The following CRISP2 variants were observed in gnomAD, a reference collection of about 807,000 sequenced individuals.
CRISP2 encodes the protein cysteine-rich secretory protein 2.
CRISP2 carries 29 observed loss-of-function variants against 31.7 expected under a neutral mutation model. The observed-to-expected ratio is 0.92, with a 90% confidence interval of 0.68 to 1.25. CRISP2 has a LOEUF of 1.25. Ranked by LOEUF, CRISP2 falls within the 50% of genes most tolerant of loss-of-function variation. The pLI, the probability that CRISP2 is intolerant of heterozygous loss-of-function variation, is 0.00. For synonymous variants in CRISP2, 111 were observed against 101.4 expected, an observed-to-expected ratio of 1.09 and a Z score of -0.57; for missense variants, 318 against 286.5, an observed-to-expected ratio of 1.11 and a Z score of -0.79.
In CRISP2 at chr6:49,709,136, C is replaced by T. The variant is rs1249919329; in HGVS notation, c.61G>A (p.Gly21Arg). The change falls in exon 4 of 10, where the codon GGA (glycine) becomes AGA (arginine). Residue 21 changes from glycine to arginine, a missense_variant. Gly to Arg is a moderately radical substitution (Grantham distance 125, BLOSUM62 -2). Coordinates refer to ENST00000339139, the MANE Select transcript of CRISP2 (RefSeq NM_003296.4). The stretch of plus-strand genomic sequence containing the variant: ...ATTTTCCATTTTAACCTTACCTTTC[C>T]TTCTGCAGGTAAAGATGGAAGCAGC... ...TVLLPSLPAE[G>R]KDPAFTALLT... The T allele has an allele frequency of 1.2e-6, 2 of 1,613,428 alleles. No individual in the cohort carries two copies. Among genetic ancestry groups the T allele is most frequent in the African/African-American group, 1.3e-5 (1 of 74,888 alleles).
intron 9 of CRISP2, among the ~76,000 whole-genome samples, chr6:49,694,900 A>C (rs1764502260): frequency 6.6e-6 from 1 of 151,928 alleles, no homozygotes; most frequent in Non-Finnish European, 1.5e-5. Flanking sequence ...CACCTGGCTC[A>C]TTTTTGTATT....
chr6:49,691,094 A>T (rs1416228242), downstream of CRISP2, among the ~76,000 whole-genome samples: 2 of 151,998 alleles, frequency 1.3e-5, no homozygotes, highest in Non-Finnish European at 2.9e-5. Flanking sequence ...CAGATCTTCC[A>T]CCCACAAAGC....
rs1407239116 is a variant in CRISP2 at position 49,692,392 on chromosome 6, A to C, written c.*381T>G. ...AAAGCTTTGAATTTATTGTTTATGCAAGTAAAAACTCAGGTAGTAGGAATG... is the reference window on the plus strand; with the variant it reads ...AAAGCTTTGAATTTATTGTTTATGCCAGTAAAAACTCAGGTAGTAGGAATG... On this transcript the variant is annotated 3_prime_UTR_variant, in exon 10 of 10. Coordinates refer to ENST00000339139, the MANE Select transcript of CRISP2 (RefSeq NM_003296.4). 1.3e-5 allele frequency: 2 copies of C among 156,776 alleles called. No homozygotes were observed. The highest frequency in any genetic ancestry group is 2.8e-5 in the Non-Finnish European group (2 of 71,210). 9.7% of individuals were successfully genotyped at this position (156,776 alleles called of 1,614,324 possible).
chr6:49,687,057 TG>T, the CRISP2 span, among the ~76,000 whole-genome samples: 1 of 138,860 alleles, frequency 7.2e-6, no homozygotes, highest in Non-Finnish European at 1.5e-5. Flanking sequence ...GGTTGTGGGA[TG>T]GGGGGAGAGG....
At chr6:49,697,229 A>C (rs1233881026) in intron 8 of CRISP2, among the ~76,000 whole-genome samples, 1 of 152,190 alleles carries the variant, frequency 6.6e-6, no homozygotes, top group Non-Finnish European at 1.5e-5. Context: ...TGTTTAATGA[A>C]GAAGCATGTT....
chr6:49,713,981 C>T (rs1768446004), upstream of CRISP2, among the ~76,000 whole-genome samples: 4 of 152,192 alleles, frequency 2.6e-5, no homozygotes, highest in Admixed American at 2.6e-4. Context: ...CACAGGTTGT[C>T]AGTTTCAGGC....
the CRISP2 span, among the ~76,000 whole-genome samples, chr6:49,683,008 A>C: frequency 2.6e-5 from 4 of 152,068 alleles, no homozygotes. Flanking sequence ...AAAAACAAAA[A>C]TTAGCTGGGC....
At chr6:49,702,696 A>G (rs779129688) in intron 4 of CRISP2, among the ~76,000 whole-genome samples, 3 of 151,994 alleles carry the variant, frequency 2.0e-5, no homozygotes, top group South Asian at 4.2e-4. Context: ...GATTCTGGAT[A>G]TTAGTCCTTA....
chr6:49,701,227 C>G (rs1351411772), intron 4 of CRISP2, among the ~76,000 whole-genome samples: 2 of 151,820 alleles, frequency 1.3e-5, no homozygotes, highest in African/African-American at 4.8e-5. Context: ...ACCCATCACC[C>G]CAGCAGTGTA....
intron 4 of CRISP2, among the ~76,000 whole-genome samples, chr6:49,706,549 C>T (rs1160831376): frequency 1.3e-5 from 2 of 152,066 alleles, no homozygotes; most frequent in African/African-American, 4.8e-5. Context: ...GGTATGGGGC[C>T]TGCTAAGCCT....
intron 4 of CRISP2, among the ~76,000 whole-genome samples, chr6:49,703,023 T>A (rs1369839975): frequency 1.3e-5 from 2 of 152,140 alleles, no homozygotes; most frequent in African/African-American, 2.4e-5. Flanking sequence ...TTCAGTTTCA[T>A]TCTTCTACGT....
chr6:49,678,711 G>A, the CRISP2 span, among the ~76,000 whole-genome samples: 2 of 152,086 alleles, frequency 1.3e-5, no homozygotes, highest in Non-Finnish European at 2.9e-5. Context: ...TTGCCCACAC[G>A]CTTCTGATCA....
At position 49,699,905 on chromosome 6, in the gene CRISP2, GAAA is replaced by G; in HGVS notation, c.184-17_184-15del. ...TCTGCTCCATTCCTAAACGTCACAA[GAAA>G]ACAAAATACACTTAATGATTCAGCC... is the stretch of plus-strand genomic sequence containing the variant. On this transcript the variant is annotated splice_polypyrimidine_tract_variant and intron_variant, in intron 5 of 9. Coordinates refer to ENST00000339139, the MANE Select transcript of CRISP2 (RefSeq NM_003296.4). The G allele has an allele frequency of 6.2e-7, 1 of 1,609,854 alleles. No homozygotes were observed.
At chr6:49,698,247 TA>T in intron 7 of CRISP2, 114 bp downstream of exon 7, 1 of 1,221,912 alleles carries the variant, frequency 8.2e-7, no homozygotes, top group Non-Finnish European at 1.1e-6. Context: ...GCCAAGACTG[TA>T]TTCTACCCAC....
chr6:49,690,955 G>T (rs1464167001), downstream of CRISP2, among the ~76,000 whole-genome samples: 1 of 144,428 alleles, frequency 6.9e-6, no homozygotes, highest in Non-Finnish European at 1.5e-5. Context: ...GGTATAGAGG[G>T]TTTTTTTTTT....
intron 4 of CRISP2, among the ~76,000 whole-genome samples, chr6:49,704,425 A>G (rs1332737246): frequency 1.3e-5 from 2 of 152,054 alleles, no homozygotes; most frequent in Admixed American, 6.6e-5. Context: ...ATGTTATAGA[A>G]CGTTGTTTTG....
the CRISP2 span, among the ~76,000 whole-genome samples, chr6:49,681,751 C>G: frequency 6.6e-6 from 1 of 152,094 alleles, no homozygotes. Context: ...TGGCCTCAAA[C>G]TACTGAGTTC....
At chr6:49,711,091 A>G (rs1017055044) in intron 3 of CRISP2, among the ~76,000 whole-genome samples, 194 bp downstream of exon 3, 5 of 152,132 alleles carry the variant, frequency 3.3e-5, no homozygotes, top group African/African-American at 4.8e-5. Flanking sequence ...GCAGCAGTGA[A>G]CTATGATCAC....
Position 49,692,788 on chromosome 6 carries a change from C to T in CRISP2, c.717G>A (p.Glu239=). The T allele has an allele frequency of 6.2e-7, 1 of 1,613,014 alleles. No individual in the cohort carries two copies. Among genetic ancestry groups the T allele is most frequent in the African/African-American group, 1.3e-5 (1 of 75,030 alleles). ...ACTAGGTAAATCAGTAAATTTTGTTCTCACATAGGCAAGTAGCCTTGCACT... is the reference window on the plus strand; with the variant it reads ...ACTAGGTAAATCAGTAAATTTTGTTTTCACATAGGCAAGTAGCCTTGCACT... ...KEKCKATCLC[E]NKIY The change falls in exon 10 of 10, where the codon GAG becomes GAA. Residue 239 remains glutamate, a synonymous_variant. Coordinates refer to ENST00000339139, the MANE Select transcript of CRISP2 (RefSeq NM_003296.4).
Sources: allele counts gnomAD v4.1 joint callset (sites outside exome capture counted in the v4.1 genomes callset), GRCh38; gene constraint gnomAD v4.1.1; transcripts MANE v1.5; gene names NCBI Gene and HGNC (gene_info 2026-07-23, HGNC 2026-07-21).